TET3: variants seen among roughly 807,000 people sequenced by gnomAD.
TET3 encodes the protein tet methylcytosine dioxygenase 3.
TET3 carries 19 observed loss-of-function variants against 141.4 expected under a neutral mutation model. The observed-to-expected ratio is 0.13, with a 90% CI of 0.09 to 0.20. The LOEUF is 0.20. Among genes scored for constraint, TET3 ranks in the 10% least tolerant of loss-of-function variants. The pLI, the probability that TET3 is intolerant of heterozygous loss-of-function variation, is 1.00. For synonymous variants in TET3, 1,043 were observed against 980.9 expected (o/e 1.06, Z -1.18); for missense variants, 1,874 against 2,356.9 (o/e 0.80, Z 4.24).
At chr2:74,123,828 G>A in the TET3 span, among the ~76,000 whole-genome samples, 7 of 151,766 alleles carry the variant, frequency 4.6e-5, no homozygotes, top group East Asian at 2.0e-4. Flanking sequence ...GTCTCTGCCC[G>A]GCCGCCCATC....
chr2:74,099,207 C>T (rs1331266238), intron 10 of TET3, 69 bp from the exon 11 acceptor site: 1 of 1,420,230 alleles, frequency 7.0e-7, no homozygotes, highest in African/African-American at 1.4e-5. Flanking sequence ...GTTTTGGGTG[C>T]TCAGACCCCT....
At chr2:74,122,811 G>A in the TET3 span, among the ~76,000 whole-genome samples, 1 of 149,866 alleles carries the variant, frequency 6.7e-6, no homozygotes, top group African/African-American at 2.5e-5. Context: ...GCCTGCCTCA[G>A]CCTCCCAAAA....
At chr2:74,003,887 G>A (rs1012634024) in intron 3 of TET3, among the ~76,000 whole-genome samples, 2 of 151,868 alleles carry the variant, frequency 1.3e-5, no homozygotes, top group African/African-American at 4.8e-5. Flanking sequence ...GACAGGGGAG[G>A]GGAGAGTCCA....
the TET3 span, among the ~76,000 whole-genome samples, chr2:74,123,539 C>T: frequency 3.3e-5 from 5 of 152,190 alleles, no homozygotes; most frequent in East Asian, 3.9e-4. Flanking sequence ...AGGAGGGATT[C>T]GGTAACCCCA....
chr2:74,046,864 C>T lies in TET3; in HGVS notation c.947C>T (p.Pro316Leu). 6.2e-7 allele frequency: 1 copy of T among 1,613,580 alleles called. No homozygotes were observed. Among genetic ancestry groups the T allele is most frequent in the Non-Finnish European group, 8.5e-7 (1 of 1,179,864 alleles). The change falls in exon 4 of 12, where the codon CCA becomes CTA. Residue 316 changes from proline (P) to leucine (L), a missense_variant. This residue lies in a region of TET3 where 366 missense variants were observed against 487.0 expected (regional missense o/e 0.75). Coordinates refer to ENST00000409262, the MANE Select transcript of TET3 (RefSeq NM_001287491.2). The surrounding 1 kb of genome is among the most constrained non-coding windows in gnomAD (Gnocchi z 4.3). ...CTGCCTCCTGGTGAGGCCGGCCTCC[C>T]AGCACCAAGCACCAGGCCACTCCTC... The part of the protein sequence containing the change: ...GPLPPGEAGL[P>L]APSTRPLLSS...
chr2:74,029,881 A>G (rs1013370775), intron 3 of TET3, among the ~76,000 whole-genome samples: 1 of 152,218 alleles, frequency 6.6e-6, no homozygotes, highest in African/African-American at 2.4e-5. Context: ...AGATAAAGTC[A>G]CTGTTAATAT....
intron 10 of TET3, among the ~76,000 whole-genome samples, chr2:74,097,105 A>T (rs1320501162): frequency 9.1e-6 from 1 of 110,058 alleles, no homozygotes; most frequent in Non-Finnish European, 2.2e-5. Flanking sequence ...AAGAAAAAGA[A>T]GAAAAAGAAA....
chr2:74,114,209 C>T, the TET3 span, among the ~76,000 whole-genome samples: 1 of 151,912 alleles, frequency 6.6e-6, no homozygotes, highest in African/African-American at 2.4e-5. Flanking sequence ...GGGGAAAGGA[C>T]AATCTTTTGA....
the TET3 span, among the ~76,000 whole-genome samples, chr2:74,117,756 A>AT: frequency 2.5e-4 from 33 of 130,108 alleles, no homozygotes; most frequent in African/African-American, 1.0e-3. Context: ...TATTATATAT[A>AT]TTTTTTTATA....
At chr2:74,031,726 TTTTGGGTGGTCACTTAAAGATTTA>T (rs1423167408) in intron 3 of TET3, among the ~76,000 whole-genome samples, 2 of 152,172 alleles carry the variant, frequency 1.3e-5, no homozygotes, top group Non-Finnish European at 2.9e-5. Context: ...TCCTCTAGAT[TTTTGGGTGGTCACTTAAAGATTTA>T]TTTCTTTGAA....
At chr2:74,076,829 G>A (rs1022938312) in intron 5 of TET3, among the ~76,000 whole-genome samples, 1 of 152,172 alleles carries the variant, frequency 6.6e-6, no homozygotes, top group Non-Finnish European at 1.5e-5. Context: ...GGAGTTGGCT[G>A]AAGGCAGGGA....
In TET3 at chr2:74,047,329, G is replaced by A. The variant is rs771224735; in HGVS notation, c.1412G>A (p.Ser471Asn). ...CTGGAGCAGTTGTTGGGCAGCGCCA[G>A]TGATTACATCCAGTCAGTATTCAAG... The part of the protein sequence containing the change: ...AELEQLLGSA[S>N]DYIQSVFKRP... The change falls in exon 4 of 12, where the codon AGT becomes AAT. Residue 471 changes from serine (S) to asparagine (N), a missense_variant. Physicochemically the swap from Ser to Asn is conservative, Grantham distance 46. Transcript: ENST00000409262. 4.3e-6 allele frequency: 7 copies of A among 1,613,896 alleles called. No individual in the cohort carries two copies. In the African/African-American group the frequency reaches 9.3e-5, roughly 22 times the overall value.
chr2:74,124,307 A>G, the TET3 span, among the ~76,000 whole-genome samples: 2 of 131,464 alleles, frequency 1.5e-5, no homozygotes, highest in South Asian at 2.6e-4. Context: ...TCTGGGAGGG[A>G]GGTGGGGGGT....
intron 8 of TET3, among the ~76,000 whole-genome samples, chr2:74,092,529 A>G (rs1690558458): frequency 6.6e-6 from 1 of 152,074 alleles, no homozygotes; most frequent in South Asian, 2.1e-4. Context: ...AAAGATCCAC[A>G]GTTGTTGCTC....
intron 4 of TET3, among the ~76,000 whole-genome samples, chr2:74,064,870 T>C (rs1339337539): frequency 6.6e-6 from 1 of 152,244 alleles, no homozygotes; most frequent in Non-Finnish European, 1.5e-5. Context: ...GTTAATTATC[T>C]GTTATCAGTA....
chr2:73,988,308 T>C (rs1471843184), intron 2 of TET3, among the ~76,000 whole-genome samples: 1 of 152,124 alleles, frequency 6.6e-6, no homozygotes, highest in Admixed American at 6.5e-5. Context: ...TTTGCGCCTT[T>C]CCTTCTAGCA....
At chr2:74,010,860 G>A (rs1470201612) in intron 3 of TET3, among the ~76,000 whole-genome samples, 1 of 152,228 alleles carries the variant, frequency 6.6e-6, no homozygotes, top group Admixed American at 6.5e-5. Context: ...TGTTCCATGA[G>A]TTCATAGTTA....
downstream of TET3, among the ~76,000 whole-genome samples, chr2:74,112,261 A>ATC (rs1485229760): frequency 6.6e-6 from 1 of 152,052 alleles, no homozygotes; most frequent in Non-Finnish European, 1.5e-5. Context: ...TTATCTGATT[A>ATC]TCTCCTTGGT....
rs766901048 is a variant in TET3, at chr2:74,047,618, C to T, written c.1701C>T (p.Val567=). The change falls in exon 4 of 12, where the codon GTC becomes GTT. Residue 567 remains valine, a synonymous_variant. Coordinates refer to ENST00000409262, the MANE Select transcript of TET3 (RefSeq NM_001287491.2). The stretch of plus-strand genomic sequence containing the variant: ...GGTGGCCCCCACCAAGTTCACCTGT[C>T]CCACGGCTTCCAGACAGACCACCCA... ...PGWWPPPSSP[V]PRLPDRPPKE... 6.2e-7 allele frequency: 1 copy of T among 1,613,740 alleles called. No homozygotes were observed. The highest frequency in any genetic ancestry group is 8.5e-7 in the Non-Finnish European group (1 of 1,179,778).
Sources: gnomAD v4.1 joint callset for allele counts (sites outside exome capture counted in the v4.1 genomes callset) on GRCh38, gnomAD v4.1.1 for gene constraint, gnomAD v4.1.1 regional missense constraint, Gnocchi (gnomAD v3.1) non-coding constraint, MANE v1.5 for transcripts, NCBI Gene and HGNC (gene_info 2026-07-23, HGNC 2026-07-21) for gene names.